SIMC1: variants seen among roughly 807,000 people sequenced by gnomAD.
SIMC1 encodes the protein SUMO-interacting motif-containing protein 1.
SIMC1 carries 55 observed loss-of-function variants against 82.3 expected under a neutral mutation model. The observed-to-expected ratio is 0.67, with a 90% CI of 0.54 to 0.84. The LOEUF is 0.84. SIMC1 is among the 40% of genes least tolerant of loss of function. The probability of loss-of-function intolerance (pLI) is 0.00; values close to 1 mark genes in which losing one functional copy is unlikely to be tolerated. For missense variants in SIMC1, 915 were observed against 1,107.2 expected (o/e 0.83, Z 2.46); for synonymous variants, 353 against 426.3 (o/e 0.83, Z 2.12).
chr5:176,338,795 T>TA lies in SIMC1; in HGVS notation c.2413+1664dup, dbSNP rs70991537. ...ATTGAGAAAGCTGTTGTAGAGACTT[T>TA]AAAAAAAAAAAAAAAGTACTGGATT... On this transcript the variant is annotated intron_variant, in intron 9 of 9. Transcript: ENST00000429602. Among the ~76,000 whole-genome samples, 50 of 147,090 alleles carry TA rather than the reference T, an allele frequency of 3.4e-4. No individual in the cohort carries two copies. The South Asian group carries it at 4.5e-3, about 13-fold the overall frequency.
At chr5:176,293,938 T>C (rs963430926) in intron 2 of SIMC1, among the ~76,000 whole-genome samples, 2 of 152,166 alleles carry the variant, frequency 1.3e-5, no homozygotes, top group African/African-American at 4.8e-5. Flanking sequence ...ACTTTTCACA[T>C]ATTCTCTCGC....
intron 1 of SIMC1, among the ~76,000 whole-genome samples, chr5:176,255,595 TTTA>T (rs1182553771): frequency 8.4e-4 from 126 of 149,638 alleles, no homozygotes; most frequent in African/African-American, 2.5e-3. Context: ...TTTTTTTTTT[TTTA>T]AAGAAAAAGA....
intron 1 of SIMC1, among the ~76,000 whole-genome samples, chr5:176,269,926 A>T (rs1434923122): frequency 7.5e-5 from 11 of 145,790 alleles, no homozygotes; most frequent in East Asian, 6.0e-4. Context: ...ATTTTATTTT[A>T]TTTTTTTTTT....
At chr5:176,283,851 CA>C (rs1475098760) in intron 1 of SIMC1, among the ~76,000 whole-genome samples, 1 of 151,464 alleles carries the variant, frequency 6.6e-6, no homozygotes, top group Non-Finnish European at 1.5e-5. Flanking sequence ...AAATGGAAAA[CA>C]AAAAAAGGCA....
intron 1 of SIMC1, among the ~76,000 whole-genome samples, chr5:176,282,713 A>G (rs1763069664): frequency 1.3e-5 from 2 of 152,338 alleles, no homozygotes; most frequent in South Asian, 4.1e-4. Context: ...ACTTCAGACA[A>G]TCAAACTTCT....
chr5:176,263,042 T>G (rs1028924270), intron 1 of SIMC1, among the ~76,000 whole-genome samples: 1 of 151,790 alleles, frequency 6.6e-6, no homozygotes, highest in African/African-American at 2.4e-5. Flanking sequence ...CCATTTACAT[T>G]TACATTAGCA....
intron 1 of SIMC1, among the ~76,000 whole-genome samples, chr5:176,261,601 A>T: frequency 6.6e-6 from 1 of 152,004 alleles, no homozygotes; most frequent in Non-Finnish European, 1.5e-5. Context: ...ACAAAAAATT[A>T]GCCAGGTGTG....
chr5:176,299,088 T>G (rs1763935697), intron 4 of SIMC1, among the ~76,000 whole-genome samples: 1 of 152,220 alleles, frequency 6.6e-6, no homozygotes, highest in Non-Finnish European at 1.5e-5. Context: ...CCACTTTATA[T>G]CTTTTCAAAT....
At chr5:176,296,563 G>A in intron 4 of SIMC1, 1 of 504,060 alleles carries the variant, frequency 2.0e-6, no homozygotes, top group Non-Finnish European at 3.6e-6. Context: ...CAGCTACACA[G>A]AAGGCTGAGG....
chr5:176,335,490 C>T (rs1765852906), intron 7 of SIMC1, among the ~76,000 whole-genome samples: 1 of 151,532 alleles, frequency 6.6e-6, no homozygotes, highest in South Asian at 2.1e-4. Context: ...TTTGCCCAGA[C>T]TGGTCTCGAA....
intron 1 of SIMC1, among the ~76,000 whole-genome samples, chr5:176,263,128 A>G (rs1333897401): frequency 2.0e-5 from 3 of 152,106 alleles, no homozygotes; most frequent in Non-Finnish European, 2.9e-5. Context: ...CTGTGATGAC[A>G]GGTGTCAAAG....
At chr5:176,329,773 A>T (rs1765557098) in intron 7 of SIMC1, among the ~76,000 whole-genome samples, 1 of 152,232 alleles carries the variant, frequency 6.6e-6, no homozygotes. Flanking sequence ...TTAAACAAAT[A>T]AATATATTGT....
chr5:176,269,299 A>T (rs988049608), intron 1 of SIMC1, among the ~76,000 whole-genome samples: 2 of 152,178 alleles, frequency 1.3e-5, no homozygotes, highest in East Asian at 1.9e-4. Flanking sequence ...TCAGGGATTT[A>T]AAAAATGTTA....
At chr5:176,313,512 T>C (rs746801607) in intron 4 of SIMC1, 179 bp from the exon 5 acceptor site, 2 of 1,556,192 alleles carry the variant, frequency 1.3e-6, no homozygotes, top group South Asian at 2.3e-5. Flanking sequence ...AGTCACCCTA[T>C]TTGTCCTCTC....
chr5:176,324,152 T>G (rs1253924805), intron 6 of SIMC1, among the ~76,000 whole-genome samples: 1 of 152,118 alleles, frequency 6.6e-6, no homozygotes, highest in Non-Finnish European at 1.5e-5. Flanking sequence ...CAGGGGAGGT[T>G]CTGAGACCGA....
At chr5:176,286,755 G>GA (rs1225946343) in intron 1 of SIMC1, among the ~76,000 whole-genome samples, 2 of 152,252 alleles carry the variant, frequency 1.3e-5, no homozygotes, top group Non-Finnish European at 2.9e-5. Flanking sequence ...CTAATATCCA[G>GA]AATCTACAAA....
At position 176,286,029 on chromosome 5, in the gene SIMC1, G is replaced by A. The variant is rs189883798; in HGVS notation, c.130-3625G>A. 5.4e-3 allele frequency among the ~76,000 whole-genome samples: 771 copies of A among 141,844 alleles called. 5 individuals carry two copies. Among genetic ancestry groups the A allele is most frequent in the Admixed American group, 7.5e-3 (104 of 13,930 alleles). 93.1% of individuals were successfully genotyped at this position (141,844 alleles called of 152,430 possible). On this transcript the variant is annotated intron_variant, in intron 1 of 9. Coordinates refer to ENST00000429602, the MANE Select transcript of SIMC1 (RefSeq NM_001308195.2). ...GAACATTCCATGCTCATGGATAGGA[G>A]GAATCAATATCGTGAAAATGGCCAT... is the stretch of plus-strand genomic sequence containing the variant.
chr5:176,324,970 A>G (rs1022643316), intron 7 of SIMC1, among the ~76,000 whole-genome samples: 1 of 152,154 alleles, frequency 6.6e-6, no homozygotes, highest in African/African-American at 2.4e-5. Flanking sequence ...TTCTCAACTA[A>G]TTATTATTAT....
intron 1 of SIMC1, among the ~76,000 whole-genome samples, chr5:176,242,859 A>G (rs1761317415): frequency 6.6e-6 from 1 of 152,052 alleles, no homozygotes; most frequent in Non-Finnish European, 1.5e-5. Flanking sequence ...TGGAGATTTC[A>G]TTTTACTGAG....
Sources: allele counts gnomAD v4.1 joint callset (sites outside exome capture counted in the v4.1 genomes callset), GRCh38; gene constraint gnomAD v4.1.1; transcripts MANE v1.5; gene names NCBI Gene and HGNC (gene_info 2026-07-23, HGNC 2026-07-21).